PIK3R3: variants seen among roughly 807,000 people sequenced by gnomAD.
The protein encoded by PIK3R3 is phosphatidylinositol 3-kinase regulatory subunit gamma.
A neutral mutation model predicts 62.9 loss-of-function variants in PIK3R3; 64 were observed. The observed-to-expected ratio is 1.02, with a 90% CI of 0.83 to 1.25. The LOEUF is 1.25. Ranked by LOEUF, PIK3R3 falls within the 50% of genes most tolerant of loss-of-function variation. The pLI is 0.00. For missense variants in PIK3R3, 614 were observed against 561.6 expected (o/e 1.09, Z -0.94); for synonymous variants, 165 against 189.0 (o/e 0.87, Z 1.04).
the PIK3R3 span, among the ~76,000 whole-genome samples, chr1:46,156,349 A>G: frequency 6.6e-6 from 1 of 151,312 alleles, no homozygotes; most frequent in African/African-American, 2.4e-5. Context: ...AATCCCAGCT[A>G]CTCCCAGAGG....
intron 1 of PIK3R3, chr1:46,105,153 C>T (rs1415935234): frequency 1.3e-5 from 9 of 667,828 alleles, no homozygotes; most frequent in South Asian, 4.7e-5. Flanking sequence ...AGAGTCACTC[C>T]GAAGGAATGG....
intron 9 of PIK3R3, among the ~76,000 whole-genome samples, chr1:46,045,702 G>A (rs970822562): frequency 2.3e-5 from 3 of 131,404 alleles, no homozygotes; most frequent in East Asian, 4.6e-4. Flanking sequence ...GCAATACTGC[G>A]GGGCCTAATC....
chr1:46,104,384 CTTAG>C (rs977873770), intron 1 of PIK3R3, among the ~76,000 whole-genome samples: 3 of 152,042 alleles, frequency 2.0e-5, no homozygotes, highest in Non-Finnish European at 2.9e-5. Flanking sequence ...GTAAGATTTG[CTTAG>C]TTATTTTTAA....
chr1:46,066,282 C>CTA, intron 4 of PIK3R3, 103 bp from the exon 5 acceptor site: 1 of 746,268 alleles, frequency 1.3e-6, no homozygotes, highest in Non-Finnish European at 2.2e-6. Flanking sequence ...CCTCAACCAT[C>CTA]TATTAAACTA....
In PIK3R3 at chr1:46,043,392, G is replaced by A. The variant is rs997109497; in HGVS notation, c.*281C>T. The A allele has an allele frequency of 2.2e-6, 1 of 454,374 alleles. No homozygotes were observed. The highest frequency in any genetic ancestry group is 4.1e-6 in the Non-Finnish European group (1 of 245,352). The allele number at this position is 454,374 out of a possible 1,614,324, so 28.1% of individuals were successfully genotyped here. ...TCAAGCCTAATATTCTGTTGAGGGT[G>A]TCTGGCTAAACAAAACAAAAACCCC... On this transcript the variant is annotated 3_prime_UTR_variant, in exon 10 of 10. Transcript: ENST00000262741.
chr1:46,089,360 T>G (rs952111708), intron 1 of PIK3R3, among the ~76,000 whole-genome samples: 3 of 152,174 alleles, frequency 2.0e-5, no homozygotes, highest in Admixed American at 1.3e-4. Flanking sequence ...TGTGATGAAT[T>G]TTATGGTTCT....
chr1:46,087,177 G>A lies in PIK3R3; in HGVS notation c.107-6427C>T, dbSNP rs561905777. On this transcript the variant is annotated intron_variant, in intron 1 of 9. Coordinates refer to ENST00000262741, the MANE Select transcript of PIK3R3 (RefSeq NM_003629.4). ...ATATACCTAATGTAAATGACAAGTT[G>A]ATGGGTGCAGCACACCAACATGGCA... Among the ~76,000 whole-genome samples, 206 of 152,200 alleles carry A rather than the reference G, an allele frequency of 1.4e-3. 2 individuals are homozygous for A. In the Middle Eastern group the frequency reaches 0.02, roughly 15 times the overall value.
chr1:46,059,315 C>T (rs992164125), intron 6 of PIK3R3, among the ~76,000 whole-genome samples: 1 of 152,200 alleles, frequency 6.6e-6, no homozygotes, highest in African/African-American at 2.4e-5. Flanking sequence ...TGGGTACCTA[C>T]AACAGTACTT....
chr1:46,168,118 T>A, the PIK3R3 span, among the ~76,000 whole-genome samples: 1 of 151,994 alleles, frequency 6.6e-6, no homozygotes, highest in Non-Finnish European at 1.5e-5. Context: ...ACCACTGCAC[T>A]CCAACCAGGG....
the PIK3R3 span, among the ~76,000 whole-genome samples, chr1:46,156,241 T>C: frequency 1.3e-5 from 2 of 151,516 alleles, no homozygotes; most frequent in Non-Finnish European, 3.0e-5. Context: ...TGCAAAAATT[T>C]CCTGTTTAAA....
chr1:46,087,917 A>G (rs1651242655), intron 1 of PIK3R3, among the ~76,000 whole-genome samples: 1 of 152,344 alleles, frequency 6.6e-6, no homozygotes, highest in East Asian at 1.9e-4. Flanking sequence ...ATCCGTAGAG[A>G]CAGAAAGTAG....
intron 1 of PIK3R3, among the ~76,000 whole-genome samples, chr1:46,130,735 C>G (rs1031900417): frequency 6.6e-6 from 1 of 152,144 alleles, no homozygotes; most frequent in Non-Finnish European, 1.5e-5. Flanking sequence ...ACATTTTATT[C>G]TGTAGACTTA....
intron 7 of PIK3R3, among the ~76,000 whole-genome samples, chr1:46,054,694 T>C (rs909621808): frequency 2.6e-5 from 4 of 152,222 alleles, no homozygotes; most frequent in African/African-American, 7.2e-5. Flanking sequence ...CATTCTGTCC[T>C]ATGAAGCAGT....
At chr1:46,135,373 T>C (rs1655891986), upstream of PIK3R3, among the ~76,000 whole-genome samples, 1 of 152,164 alleles carries the variant, frequency 6.6e-6, no homozygotes, top group South Asian at 2.1e-4. Flanking sequence ...CTTAGGTAAA[T>C]CATGAAATCT....
intron 1 of PIK3R3, among the ~76,000 whole-genome samples, chr1:46,086,914 G>A (rs1346886929): frequency 6.6e-6 from 1 of 152,154 alleles, no homozygotes; most frequent in Non-Finnish European, 1.5e-5. Context: ...AAGGCTGCCT[G>A]TCAACTCACC....
chr1:46,121,832 G>C (rs1252597449), intron 1 of PIK3R3, among the ~76,000 whole-genome samples: 1 of 152,038 alleles, frequency 6.6e-6, no homozygotes, highest in Non-Finnish European at 1.5e-5. Context: ...CTTTGTGTTG[G>C]CTCATCAATA....
chr1:46,061,717 TAACGGA>T (rs1648501368), intron 6 of PIK3R3, among the ~76,000 whole-genome samples: 1 of 152,178 alleles, frequency 6.6e-6, no homozygotes, highest in Non-Finnish European at 1.5e-5. Flanking sequence ...CCTGAAGTCC[TAACGGA>T]TAAGCAGGAG....
intron 1 of PIK3R3, among the ~76,000 whole-genome samples, chr1:46,113,986 T>A (rs988632338): frequency 3.9e-5 from 6 of 152,196 alleles, no homozygotes; most frequent in African/African-American, 1.4e-4. Context: ...GAGCGATGCA[T>A]GGGTATATTT....
chr1:46,129,073 GAA>G (rs763565444), intron 1 of PIK3R3, among the ~76,000 whole-genome samples: 2 of 135,410 alleles, frequency 1.5e-5, no homozygotes, highest in African/African-American at 5.4e-5. Context: ...TCTGCCTCAG[GAA>G]AAAAAAAAAA....
Sources: gnomAD v4.1 joint callset for allele counts (sites outside exome capture counted in the v4.1 genomes callset) on GRCh38, gnomAD v4.1.1 for gene constraint, MANE v1.5 for transcripts, NCBI Gene and HGNC (gene_info 2026-07-23, HGNC 2026-07-21) for gene names.